UBE2J1: variants seen among roughly 807,000 people sequenced by gnomAD.
The protein encoded by UBE2J1 is ubiquitin conjugating enzyme E2 J1.
Under a neutral mutation model 42.1 loss-of-function variants are expected in UBE2J1, and 17 were observed. That is an observed-to-expected ratio of 0.40 (90% CI 0.28 to 0.61). The LOEUF (loss-of-function observed/expected upper bound fraction) is 0.61. Ranked by LOEUF, UBE2J1 falls within the 20% of genes least tolerant of loss-of-function variation. The pLI, the probability that UBE2J1 is intolerant of heterozygous loss-of-function variation, is 0.38. For synonymous variants in UBE2J1, 127 were observed against 137.2 expected, an observed-to-expected ratio of 0.93 and a Z score of 0.52; for missense variants, 291 against 389.4, an observed-to-expected ratio of 0.75 and a Z score of 2.13.
intron 6 of UBE2J1, among the ~76,000 whole-genome samples, chr6:89,333,434 C>A (rs1768047306): frequency 6.6e-6 from 1 of 152,188 alleles, no homozygotes; most frequent in Non-Finnish European, 1.5e-5. Flanking sequence ...TGATGAGGGA[C>A]AAAACTAACA....
At position 89,329,744 on chromosome 6, in the gene UBE2J1, A is replaced by G. The variant is rs1767969349; in HGVS notation, c.892T>C (p.Leu298=). 1 of 1,614,132 alleles carries G rather than the reference A, an allele frequency of 6.2e-7. No individual in the cohort carries two copies. ...ATTCGTCGGAATATAAGAGCTGCCAATGCCAAAGTCAGGATGACAATCAGT... is the reference window on the plus strand; with the variant it reads ...ATTCGTCGGAATATAAGAGCTGCCAGTGCCAAAGTCAGGATGACAATCAGT... ...AVLIVILTLA[L]AALIFRRIYL... is the part of the protein sequence containing the mutation. The change falls in exon 8 of 8, where the codon TTG becomes CTG. Residue 298 remains leucine (L), a synonymous_variant. Transcript: ENST00000435041.
intron 7 of UBE2J1, among the ~76,000 whole-genome samples, chr6:89,332,345 T>A (rs1443430445): frequency 6.6e-6 from 1 of 152,216 alleles, no homozygotes; most frequent in East Asian, 1.9e-4. Context: ...CCAGTCATAT[T>A]TTTTAAATCA....
At chr6:89,350,881 T>C (rs987911051) in intron 1 of UBE2J1, among the ~76,000 whole-genome samples, 1 of 152,064 alleles carries the variant, frequency 6.6e-6, no homozygotes, top group Non-Finnish European at 1.5e-5. Flanking sequence ...GACCTTTCAC[T>C]AAGCACCTCT....
At chr6:89,344,724 C>G (rs1768325653) in intron 1 of UBE2J1, among the ~76,000 whole-genome samples, 1 of 152,196 alleles carries the variant, frequency 6.6e-6, no homozygotes, top group African/African-American at 2.4e-5. Context: ...CTACTCTTTC[C>G]ACCTAGCACT....
At chr6:89,338,710 G>C (rs1172676725) in intron 3 of UBE2J1, among the ~76,000 whole-genome samples, 167 bp from the exon 4 acceptor site, 5 of 130,236 alleles carry the variant, frequency 3.8e-5, no homozygotes, top group Admixed American at 9.4e-5. Flanking sequence ...CTGTCACCCA[G>C]GCTGGAGTGC....
At chr6:89,348,390 A>G (rs945685642) in intron 1 of UBE2J1, among the ~76,000 whole-genome samples, 109 of 152,318 alleles carry the variant, frequency 7.2e-4, no homozygotes, top group African/African-American at 2.5e-3. Flanking sequence ...GCTAAAAATA[A>G]AGGGATCTTC....
chr6:89,334,515 A>G (rs1450125774), intron 6 of UBE2J1, among the ~76,000 whole-genome samples: 1 of 143,404 alleles, frequency 7.0e-6, no homozygotes, highest in Non-Finnish European at 1.5e-5. Context: ...CTTGTTGCCC[A>G]GGCTGGAGTG....
In UBE2J1 at chr6:89,328,692, G is replaced by T. The variant is rs1168875673; in HGVS notation, c.*987C>A. ...AAATTCTTTCTTGGGCTCTGACTAGGTGGACAATTCTAAGTAAAGGTTTTT... is the reference window on the plus strand; with the variant it reads ...AAATTCTTTCTTGGGCTCTGACTAGTTGGACAATTCTAAGTAAAGGTTTTT... On this transcript the variant is annotated 3_prime_UTR_variant, in exon 8 of 8. Transcript: ENST00000435041. 2.6e-5 allele frequency: 4 copies of T among 152,150 alleles called. No homozygotes were observed. The highest frequency in any genetic ancestry group is 2.6e-4 in the Admixed American group (4 of 15,272). 9.4% of individuals were successfully genotyped at this position (152,150 alleles called of 1,614,324 possible).
At chr6:89,330,265 A>C (rs542462308) in intron 7 of UBE2J1, among the ~76,000 whole-genome samples, 2 of 152,182 alleles carry the variant, frequency 1.3e-5, no homozygotes, top group Non-Finnish European at 2.9e-5. Flanking sequence ...GTATATACAT[A>C]TAATGTTTTA....
chr6:89,342,402 A>G lies in UBE2J1; in HGVS notation c.159T>C (p.Phe53=), dbSNP rs146952944. ...FTVRGPPDSD[F]DGGVYHGRIV... is the part of the protein sequence containing the mutation. ...TCCGCCCGTGATAAACTCCTCCATC[A>G]AAATCGGAGTCTGGGGGCCCTCTAA... Residue 53 remains phenylalanine, a synonymous_variant, in exon 3 of 8, where the codon TTT becomes TTC. Transcript: ENST00000435041. 7.3e-5 allele frequency: 118 copies of G among 1,613,430 alleles called. No individual in the cohort carries two copies. The African/African-American group carries it at 1.5e-3, about 20-fold the overall frequency.
intron 3 of UBE2J1, among the ~76,000 whole-genome samples, chr6:89,341,986 G>A (rs1768254411): frequency 6.6e-6 from 1 of 152,124 alleles, no homozygotes; most frequent in Non-Finnish European, 1.5e-5. Context: ...AGTTAAAGGA[G>A]ACAATATGAT....
rs1178325458 is a variant in UBE2J1, at chr6:89,338,022, AG to A, written c.428+182del. On this transcript the variant is annotated intron_variant, in intron 5 of 7. Transcript: ENST00000435041. ...CTAGATAGCATTAAATAAATTACTT[AG>A]ATTCTGGTCACTCCAAGGAAATTAT... Among the ~76,000 whole-genome samples the A allele has an allele frequency of 2.6e-5, 4 of 152,308 alleles. No homozygotes were observed. The East Asian group carries it at 7.7e-4, about 29-fold the overall frequency.
Position 89,352,655 on chromosome 6 carries a change from G to A in UBE2J1, c.-86C>T, listed in dbSNP as rs1768510963. 7.7e-6 allele frequency: 11 copies of A among 1,423,902 alleles called. 1 individual carries two copies. In the South Asian group the frequency reaches 1.5e-4, roughly 20 times the overall value. 88.2% of individuals were successfully genotyped at this position (1,423,902 alleles called of 1,614,324 possible). A position where few individuals can be genotyped will look rare whatever the true frequency, so the allele number is the denominator to read the frequency against. On this transcript the variant is annotated 5_prime_UTR_variant, in exon 1 of 8. Transcript: ENST00000435041. Reference sequence around the variant, plus strand: ...GCTGCCCGGGTCTCAGCGCGGCTCGGGCGGACGGGGCCTGGCCGAGGAGCC... The same window carrying A: ...GCTGCCCGGGTCTCAGCGCGGCTCGAGCGGACGGGGCCTGGCCGAGGAGCC...
chr6:89,340,266 C>T (rs534457797), intron 3 of UBE2J1, among the ~76,000 whole-genome samples: 1 of 152,224 alleles, frequency 6.6e-6, no homozygotes, highest in South Asian at 2.1e-4. Context: ...AGGGCTGATT[C>T]TCAGCCAGTG....
intron 3 of UBE2J1, among the ~76,000 whole-genome samples, chr6:89,338,956 C>T (rs764416899): frequency 2.0e-4 from 30 of 151,598 alleles, no homozygotes; most frequent in African/African-American, 4.8e-4. Flanking sequence ...TGAGCCACCG[C>T]GCCCGGCCAA....
chr6:89,343,029 G>T (rs1768277738), intron 2 of UBE2J1, among the ~76,000 whole-genome samples: 1 of 152,154 alleles, frequency 6.6e-6, no homozygotes, highest in African/African-American at 2.4e-5. Context: ...TGAGAAGACT[G>T]AGAGAGGCCG....
In UBE2J1 at chr6:89,330,141, A is replaced by AT. The variant is rs568697138; in HGVS notation, c.679-185dup. Among the ~76,000 whole-genome samples, 570 of 152,324 alleles carry AT rather than the reference A, an allele frequency of 3.7e-3. 1 individual carries two copies. The highest frequency in any genetic ancestry group is 0.013 in the African/African-American group (547 of 41,566). On this transcript the variant is annotated intron_variant, in intron 7 of 7. Coordinates refer to ENST00000435041, the MANE Select transcript of UBE2J1 (RefSeq NM_016021.3). The stretch of plus-strand genomic sequence containing the variant: ...CTAAATTTAGGTTCAAAAAAAAGTC[A>AT]TAAGTTAGGACAGCTTTTTGGCCTT...
intron 3 of UBE2J1, among the ~76,000 whole-genome samples, chr6:89,340,680 T>C (rs1280064778): frequency 6.6e-6 from 1 of 152,286 alleles, no homozygotes; most frequent in South Asian, 2.1e-4. Context: ...TCTAGGCCTA[T>C]TGGCTCTTAA....
intron 1 of UBE2J1, among the ~76,000 whole-genome samples, chr6:89,344,812 T>C (rs1768326817): frequency 6.6e-6 from 1 of 152,260 alleles, no homozygotes. Flanking sequence ...CCCTGATGAA[T>C]GACTGCTAGC....
Sources: gnomAD v4.1 joint callset for allele counts (sites outside exome capture counted in the v4.1 genomes callset) on GRCh38, gnomAD v4.1.1 for gene constraint, MANE v1.5 for transcripts, NCBI Gene and HGNC (gene_info 2026-07-23, HGNC 2026-07-21) for gene names.